The following MAP3K7 variants were observed in gnomAD, a reference collection of about 807,000 sequenced individuals.
The protein encoded by MAP3K7 is TGF-beta activated kinase 1.
MAP3K7 carries 21 observed loss-of-function variants against 84.8 expected under a neutral mutation model. That is an observed-to-expected ratio of 0.25 (90% CI 0.18 to 0.36). MAP3K7 has a LOEUF of 0.36. Ranked by LOEUF, MAP3K7 falls within the 10% of genes least tolerant of loss-of-function variation. The probability of loss-of-function intolerance (pLI) is 1.00; values close to 1 mark genes in which losing one functional copy is unlikely to be tolerated. For missense variants in MAP3K7, 503 were observed against 747.7 expected (o/e 0.67, Z 3.82); for synonymous variants, 241 against 247.7 (o/e 0.97, Z 0.25).
chr6:90,537,511 G>A (rs1330773339), intron 12 of MAP3K7, among the ~76,000 whole-genome samples: 2 of 151,932 alleles, frequency 1.3e-5, no homozygotes, highest in African/African-American at 4.8e-5. Flanking sequence ...GAATAAGAAT[G>A]TTTAATAGAA....
rs537008375 is a variant in MAP3K7, at chr6:90,514,338, A to T, written c.*2163T>A. ...GACTTAAAAGCATGAAATTGACAAC[A>T]CAACTACTTAAAAACAGAGTAAGGC... On this transcript the variant is annotated 3_prime_UTR_variant, in exon 17 of 17. Transcript: ENST00000369329. 2 of 152,160 alleles carry T rather than the reference A, an allele frequency of 1.3e-5. No individual in the cohort carries two copies. Among genetic ancestry groups the T allele is most frequent in the Admixed American group, 6.6e-5 (1 of 15,232 alleles). 9.4% of individuals were successfully genotyped at this position (152,160 alleles called of 1,614,324 possible).
intron 13 of MAP3K7, among the ~76,000 whole-genome samples, chr6:90,531,021 CT>C (rs1180299919): frequency 2.0e-5 from 3 of 152,134 alleles, no homozygotes; most frequent in Non-Finnish European, 4.4e-5. Flanking sequence ...TATAGGCAAA[CT>C]TGACTTACCA....
intron 1 of MAP3K7, among the ~76,000 whole-genome samples, chr6:90,581,253 CT>C (rs1227057537): frequency 2.0e-5 from 3 of 152,118 alleles, no homozygotes; most frequent in Non-Finnish European, 4.4e-5. Flanking sequence ...TTAAATAATT[CT>C]TTTAATTGTT....
rs762328133 is a variant in MAP3K7, at chr6:90,550,470, G to A, written c.947C>T (p.Thr316Ile). 2.5e-6 allele frequency: 4 copies of A among 1,599,932 alleles called. No individual in the cohort carries two copies. Among genetic ancestry groups the A allele is most frequent in the Middle Eastern group, 1.7e-4 (1 of 6,024 alleles). ...ACTCTTCCAATCTATCCATTTACCT[G>A]TACTGGTGGCAGAGTTGCTCTGTCC... ...DEGQSNSATS[T>I]GSFMDIASTN... The change falls in exon 9 of 17, where the codon ACA becomes ATA. Residue 316 changes from threonine (T) to isoleucine (I), a missense_variant and splice_region_variant. By Grantham distance (89) the Thr-to-Ile change is moderately conservative. Around this residue, in one of 5 missense-constraint regions of MAP3K7, gnomAD observed 286 missense variants for 313.6 expected, o/e 0.91. Coordinates refer to ENST00000369329, the MANE Select transcript of MAP3K7 (RefSeq NM_145331.3).
intron 1 of MAP3K7, among the ~76,000 whole-genome samples, chr6:90,586,063 A>G (rs1334095005): frequency 6.6e-6 from 1 of 152,178 alleles, no homozygotes; most frequent in Non-Finnish European, 1.5e-5. Flanking sequence ...ATATAATACA[A>G]TCTTTGGCCA....
rs148669345 is a variant in MAP3K7, at chr6:90,545,545, G to T, written c.1211-913C>A. 5.3e-5 allele frequency among the ~76,000 whole-genome samples: 8 copies of T among 152,234 alleles called. No individual in the cohort carries two copies. The East Asian group carries it at 1.5e-3, about 29-fold the overall frequency. ...AAGTGAAAAGGGTTCCTCAAAGCAT[G>T]AGGGTATGTCCCGGTGAGTAGGGTT... is the stretch of plus-strand genomic sequence containing the variant. On this transcript the variant is annotated intron_variant, in intron 11 of 16. Coordinates refer to ENST00000369329, the MANE Select transcript of MAP3K7 (RefSeq NM_145331.3).
At chr6:90,572,102 T>C (rs1021664069) in intron 1 of MAP3K7, among the ~76,000 whole-genome samples, 6 of 151,854 alleles carry the variant, frequency 4.0e-5, no homozygotes, top group Non-Finnish European at 8.8e-5. Context: ...TAAAGTGATT[T>C]GTTAAATGGA....
intron 12 of MAP3K7, among the ~76,000 whole-genome samples, chr6:90,540,779 T>G (rs1472991208): frequency 6.6e-6 from 1 of 151,956 alleles, no homozygotes; most frequent in African/African-American, 2.4e-5. Context: ...AACTACTTAT[T>G]CTCTTACTCT....
chr6:90,569,559 C>A (rs186927065), intron 2 of MAP3K7, among the ~76,000 whole-genome samples: 90 of 152,282 alleles, frequency 5.9e-4, no homozygotes, highest in Non-Finnish European at 1.0e-3. Context: ...TGGGTCACTG[C>A]AACCTCTGCC....
At chr6:90,557,469 T>A (rs570667394) in intron 5 of MAP3K7, among the ~76,000 whole-genome samples, 71 of 152,308 alleles carry the variant, frequency 4.7e-4, no homozygotes, top group African/African-American at 1.6e-3. Flanking sequence ...ATAAGTCAGA[T>A]AAACTACTAT....
intron 10 of MAP3K7, 133 bp from the exon 11 acceptor site, chr6:90,547,520 G>A: frequency 2.1e-6 from 2 of 949,672 alleles, no homozygotes; most frequent in Non-Finnish European, 1.5e-6. Context: ...AGGGAAGTTT[G>A]TACGAGAGGG....
At position 90,571,814 on chromosome 6, in the gene MAP3K7, TAAAC is replaced by T. The variant is rs972528323; in HGVS notation, c.121-11_121-8del. ...AGGCTCCTCTTCCAACAACCTGAGT[TAAAC>T]AAACAAACAAAAAACAAACAAAAAA... On this transcript the variant is annotated splice_region_variant and splice_polypyrimidine_tract_variant and intron_variant, in intron 1 of 16. Coordinates refer to ENST00000369329, the MANE Select transcript of MAP3K7 (RefSeq NM_145331.3). 23 of 1,533,328 alleles carry T rather than the reference TAAAC, an allele frequency of 1.5e-5. No individual in the cohort carries two copies. Among genetic ancestry groups the T allele is most frequent in the East Asian group, 4.7e-5 (2 of 42,600 alleles). 95.0% of individuals were successfully genotyped at this position (1,533,328 alleles called of 1,614,324 possible).
chr6:90,530,453 T>C (rs1170934430), intron 13 of MAP3K7, among the ~76,000 whole-genome samples: 1 of 152,186 alleles, frequency 6.6e-6, no homozygotes, highest in Non-Finnish European at 1.5e-5. Flanking sequence ...GCTACACCTT[T>C]CTTTTCACCT....
chr6:90,518,193 A>G (rs1195294473), intron 16 of MAP3K7, among the ~76,000 whole-genome samples: 1 of 151,890 alleles, frequency 6.6e-6, no homozygotes, highest in Non-Finnish European at 1.5e-5. Flanking sequence ...TCTTTATAAT[A>G]ATAAGTCTAA....
At chr6:90,566,427 CAG>C (rs1204843052) in intron 3 of MAP3K7, among the ~76,000 whole-genome samples, 1 of 152,152 alleles carries the variant, frequency 6.6e-6, no homozygotes, top group Non-Finnish European at 1.5e-5. Context: ...AACAGACAAA[CAG>C]AGAGCCAAAT....
At chr6:90,576,588 A>C in intron 1 of MAP3K7, among the ~76,000 whole-genome samples, 1 of 152,238 alleles carries the variant, frequency 6.6e-6, no homozygotes, top group Non-Finnish European at 1.5e-5. Flanking sequence ...CACTGATGAT[A>C]CAAGAGTGAA....
chr6:90,523,176 T>C (rs549515390), intron 14 of MAP3K7, among the ~76,000 whole-genome samples: 2 of 152,154 alleles, frequency 1.3e-5, no homozygotes, highest in Admixed American at 6.5e-5. Context: ...AATATTTGTA[T>C]AACTGAAAAT....
chr6:90,575,481 G>A (rs945880242), intron 1 of MAP3K7, among the ~76,000 whole-genome samples: 2 of 152,186 alleles, frequency 1.3e-5, no homozygotes, highest in Non-Finnish European at 2.9e-5. Context: ...AGTAAGGATT[G>A]TGGCAAGGAA....
At chr6:90,547,754 C>T (rs1450037780) in intron 10 of MAP3K7, among the ~76,000 whole-genome samples, 3 of 152,136 alleles carry the variant, frequency 2.0e-5, no homozygotes, top group Non-Finnish European at 4.4e-5. Context: ...AACTGGGCAG[C>T]GCAGCCAAAA....
Sources: gnomAD v4.1 joint callset for allele counts (sites outside exome capture counted in the v4.1 genomes callset) on GRCh38, gnomAD v4.1.1 for gene constraint, gnomAD v4.1.1 regional missense constraint, MANE v1.5 for transcripts, NCBI Gene and HGNC (gene_info 2026-07-23, HGNC 2026-07-21) for gene names.